The following THSD7B variants were observed in gnomAD, a reference collection of about 807,000 sequenced individuals.
THSD7B encodes the protein thrombospondin type-1 domain-containing protein 7B.
THSD7B carries 138 observed loss-of-function variants against 213.6 expected under a neutral mutation model. The observed-to-expected ratio is 0.65, with a 90% CI of 0.56 to 0.74. The LOEUF is 0.74. Among genes scored for constraint, THSD7B ranks in the 30% least tolerant of loss-of-function variants. The pLI, the probability that THSD7B is intolerant of heterozygous loss-of-function variation, is 0.00. For synonymous variants in THSD7B, 742 were observed against 687.0 expected (o/e 1.08, Z -1.25); for missense variants, 1,931 against 1,991.5 (o/e 0.97, Z 0.58).
At chr2:137,166,057 C>T (rs1032047412) in intron 6 of THSD7B, among the ~76,000 whole-genome samples, 4 of 152,086 alleles carry the variant, frequency 2.6e-5, no homozygotes, top group African/African-American at 7.2e-5. Flanking sequence ...TATTCTTAAT[C>T]AGAAATCCTT....
intron 2 of THSD7B, among the ~76,000 whole-genome samples, chr2:136,912,336 A>T (rs996718455): frequency 1.1e-3 from 167 of 146,028 alleles, no homozygotes; most frequent in Non-Finnish European, 1.2e-3. Flanking sequence ...AAAAAAAAAA[A>T]AAAAAAAAAA....
At chr2:136,790,324 A>G (rs1681945588) in intron 1 of THSD7B, among the ~76,000 whole-genome samples, 1 of 152,042 alleles carries the variant, frequency 6.6e-6, no homozygotes, top group South Asian at 2.1e-4. Context: ...ACCTTATTTA[A>G]TATCTTAAAA....
At chr2:137,379,920 C>A (rs1685736885) in intron 12 of THSD7B, among the ~76,000 whole-genome samples, 1 of 152,224 alleles carries the variant, frequency 6.6e-6, no homozygotes, top group Non-Finnish European at 1.5e-5. Context: ...TCATCCTCTT[C>A]CCTGCGGCCC....
intron 15 of THSD7B, among the ~76,000 whole-genome samples, chr2:137,553,971 C>A (rs1207113707): frequency 6.7e-6 from 1 of 150,166 alleles, no homozygotes; most frequent in Non-Finnish European, 1.5e-5. Flanking sequence ...AGATTCCTTG[C>A]CTGTTGGACA....
chr2:137,514,141 T>C (rs1680022830), intron 15 of THSD7B, among the ~76,000 whole-genome samples: 1 of 152,122 alleles, frequency 6.6e-6, no homozygotes, highest in Admixed American at 6.5e-5. Context: ...TGTGATATGG[T>C]TGTGATGGTT....
At chr2:136,841,066 C>T (rs1024711890) in intron 1 of THSD7B, among the ~76,000 whole-genome samples, 1 of 152,014 alleles carries the variant, frequency 6.6e-6, no homozygotes, top group African/African-American at 2.4e-5. Flanking sequence ...TTCATTACTC[C>T]TAGGCAATTC....
At chr2:137,345,844 A>G (rs374935244) in intron 12 of THSD7B, among the ~76,000 whole-genome samples, 1 of 151,584 alleles carries the variant, frequency 6.6e-6, no homozygotes, top group East Asian at 1.9e-4. Flanking sequence ...GATAAGAGAC[A>G]TTTTTTAAAA....
intron 15 of THSD7B, among the ~76,000 whole-genome samples, chr2:137,522,398 CCA>C (rs1440181074): frequency 7.2e-5 from 11 of 152,188 alleles, no homozygotes; most frequent in Admixed American, 2.6e-4. Flanking sequence ...TCCAGAAATT[CCA>C]CAGAGTTGTG....
At chr2:136,768,704 G>A (rs1201238176) in intron 1 of THSD7B, among the ~76,000 whole-genome samples, 3 of 152,142 alleles carry the variant, frequency 2.0e-5, no homozygotes, top group Non-Finnish European at 2.9e-5. Flanking sequence ...AATAACTATT[G>A]GGTATTGTAT....
Position 137,451,031 on chromosome 2 carries a change from G to T in THSD7B, c.3138+8G>T. 1 of 1,556,146 alleles carries T rather than the reference G, an allele frequency of 6.4e-7. No homozygotes were observed. Among genetic ancestry groups the T allele is most frequent in the Non-Finnish European group, 8.7e-7 (1 of 1,154,194 alleles). On this transcript the variant is annotated splice_region_variant and intron_variant, in intron 15 of 27. Coordinates refer to ENST00000409968, the MANE Select transcript of THSD7B (RefSeq NM_001316349.2). ...CTGGATCTCAAGAATCAGGTAAAGT[G>T]CATGAAGCAACAAATAAAAAGCTAA...
chr2:137,268,473 T>C (rs976727639), intron 10 of THSD7B, among the ~76,000 whole-genome samples: 1 of 152,152 alleles, frequency 6.6e-6, no homozygotes, highest in African/African-American at 2.4e-5. Context: ...TTATTATTTC[T>C]TGATGATATG....
intron 2 of THSD7B, among the ~76,000 whole-genome samples, chr2:136,942,851 C>T (rs1319359504): frequency 6.6e-6 from 1 of 152,166 alleles, no homozygotes; most frequent in Non-Finnish European, 1.5e-5. Context: ...TTTCTTTCTC[C>T]TGCCTGATTG....
intron 6 of THSD7B, among the ~76,000 whole-genome samples, chr2:137,162,527 A>G (rs1300791223): frequency 6.6e-6 from 1 of 151,996 alleles, no homozygotes; most frequent in African/African-American, 2.4e-5. Flanking sequence ...CAGAAAAAAA[A>G]TGAGGTACTG....
chr2:137,139,235 AG>A (rs1244124133), intron 5 of THSD7B, among the ~76,000 whole-genome samples: 1 of 152,192 alleles, frequency 6.6e-6, no homozygotes, highest in Non-Finnish European at 1.5e-5. Flanking sequence ...ATTGAGGGTC[AG>A]TAGAGTAAGT....
chr2:137,370,496 TCTCA>T (rs1685517804), intron 12 of THSD7B, among the ~76,000 whole-genome samples: 1 of 152,146 alleles, frequency 6.6e-6, no homozygotes, highest in African/African-American at 2.4e-5. Context: ...TTAGACAGAG[TCTCA>T]CTCTGTTGCC....
chr2:137,380,603 G>T (rs1002209930), intron 12 of THSD7B, among the ~76,000 whole-genome samples: 4 of 152,238 alleles, frequency 2.6e-5, no homozygotes, highest in African/African-American at 9.6e-5. Flanking sequence ...AAGGGGTTAT[G>T]TGTGAGGGGT....
At position 137,057,066 on chromosome 2, in the gene THSD7B, C is replaced by T. The variant is rs576768669; in HGVS notation, c.786C>T (p.Ser262=). ...RLPHLKEINP[S]GRTVLDFNSD... The stretch of plus-strand genomic sequence containing the variant: ...CTCATCTTAAAGAAATTAATCCAAG[C>T]GGAAGAACTGTTCTGGATTTTAACT... The change falls in exon 3 of 28, where the codon AGC becomes AGT. Residue 262 remains serine, a synonymous_variant. Transcript: ENST00000409968. 2.5e-6 allele frequency: 4 copies of T among 1,613,838 alleles called. No individual in the cohort carries two copies. In the South Asian group the frequency reaches 3.3e-5, roughly 13 times the overall value.
chr2:136,943,375 C>A (rs879435598), intron 2 of THSD7B, among the ~76,000 whole-genome samples: 58 of 152,176 alleles, frequency 3.8e-4, no homozygotes, highest in Non-Finnish European at 7.6e-4. Context: ...GCTTTGGTAT[C>A]AGGATGATGG....
At position 136,890,662 on chromosome 2, in the gene THSD7B, C is replaced by T. The variant is rs537073166; in HGVS notation, c.139+8345C>T. ...TCAAGCGATTCTTCCGCCTCAGCCT[C>T]CTGAGTAGCTGGGATTACAGGCATC... On this transcript the variant is annotated intron_variant, in intron 2 of 27. Transcript: ENST00000409968. Among the ~76,000 whole-genome samples the T allele has an allele frequency of 6.7e-5, 10 of 150,014 alleles. No homozygotes were observed. In the South Asian group the frequency reaches 1.7e-3, roughly 26 times the overall value.
Sources: allele counts gnomAD v4.1 joint callset (sites outside exome capture counted in the v4.1 genomes callset), GRCh38; gene constraint gnomAD v4.1.1; transcripts MANE v1.5; gene names NCBI Gene and HGNC (gene_info 2026-07-23, HGNC 2026-07-21).